The following PCDH15 variants were observed in gnomAD, a reference collection of about 807,000 sequenced individuals.
PCDH15 encodes the protein protocadherin related 15.
PCDH15 carries 129 observed loss-of-function variants against 178.5 expected under a neutral mutation model. The ratio of observed to expected loss-of-function variants is 0.72; its 90% CI spans 0.63 to 0.84. The LOEUF (loss-of-function observed/expected upper bound fraction) is 0.84. PCDH15 is among the 40% of genes least tolerant of loss of function. The pLI is 0.00. For missense variants in PCDH15, 2,230 were observed against 2,099.9 expected (o/e 1.06, Z -1.21); for synonymous variants, 800 against 732.0 (o/e 1.09, Z -1.50).
rs944958180 is a variant in PCDH15 at position 54,256,667 on chromosome 10, C to G, written c.877-19736G>C. Reference sequence around the variant, plus strand: ...CTGTCCTGGCTGATTGTACCTCCTACTATTGTGTTTCCCATTCCTTAGTAT... The same window carrying G: ...CTGTCCTGGCTGATTGTACCTCCTAGTATTGTGTTTCCCATTCCTTAGTAT... On this transcript the variant is annotated intron_variant, in intron 8 of 37. Coordinates refer to ENST00000644397, the MANE Select transcript of PCDH15 (RefSeq NM_001384140.1). 4.6e-5 allele frequency among the ~76,000 whole-genome samples: 7 copies of G among 152,010 alleles called. No homozygotes were observed. The Admixed American group carries it at 4.6e-4, about 10-fold the overall frequency.
At chr10:55,397,770 T>C (rs935173498) in intron 2 of PCDH15, among the ~76,000 whole-genome samples, 2 of 151,748 alleles carry the variant, frequency 1.3e-5, no homozygotes, top group Non-Finnish European at 2.9e-5. Context: ...ATTTCTAGTA[T>C]AGATGGGGGT....
At chr10:54,115,579 A>G (rs7901872) in intron 15 of PCDH15, among the ~76,000 whole-genome samples, 4,464 of 152,302 alleles carry the variant, frequency 0.029, 241 homozygotes, top group African/African-American at 0.1. Context: ...ACATATAAAC[A>G]GCCTATCTCC....
At chr10:54,782,253 C>G (rs1950435610) in intron 1 of PCDH15, among the ~76,000 whole-genome samples, 1 of 152,038 alleles carries the variant, frequency 6.6e-6, no homozygotes, top group South Asian at 2.1e-4. Context: ...CAAGCAGGGA[C>G]TTTGCAGCTA....
chr10:54,686,075 A>G (rs1379368428), intron 1 of PCDH15, among the ~76,000 whole-genome samples: 2 of 114,358 alleles, frequency 1.7e-5, no homozygotes, highest in African/African-American at 6.4e-5. Flanking sequence ...TTTAGTAGAG[A>G]CGGAGTTTCA....
At chr10:54,238,074 T>C (rs2054815837) in intron 8 of PCDH15, among the ~76,000 whole-genome samples, 1 of 152,128 alleles carries the variant, frequency 6.6e-6, no homozygotes, top group Non-Finnish European at 1.5e-5. Context: ...AATGAAATAC[T>C]TCTAAAGGGT....
intron 2 of PCDH15, among the ~76,000 whole-genome samples, chr10:55,034,248 A>C (rs908415203): frequency 6.6e-6 from 1 of 152,110 alleles, no homozygotes; most frequent in African/African-American, 2.4e-5. Context: ...CAACAAGTGA[A>C]GGGTTATAAT....
intron 15 of PCDH15, among the ~76,000 whole-genome samples, chr10:54,112,292 A>G (rs1463148691): frequency 6.6e-6 from 1 of 152,020 alleles, no homozygotes; most frequent in Non-Finnish European, 1.5e-5. Context: ...TTTCCTGTGC[A>G]TTTAGGGTGT....
chr10:55,109,433 G>C (rs1051457678), intron 2 of PCDH15, among the ~76,000 whole-genome samples: 1 of 152,096 alleles, frequency 6.6e-6, no homozygotes, highest in Admixed American at 6.5e-5. Context: ...AGTATGATTA[G>C]AAAGATTCCA....
intron 3 of PCDH15, among the ~76,000 whole-genome samples, chr10:54,517,321 A>C (rs2082335113): frequency 6.6e-6 from 1 of 151,156 alleles, no homozygotes; most frequent in Admixed American, 6.6e-5. Flanking sequence ...AACCCATCTC[A>C]TGTGCAGAGA....
chr10:55,292,268 A>G (rs923423707), intron 1 of PCDH15, among the ~76,000 whole-genome samples: 1 of 152,240 alleles, frequency 6.6e-6, no homozygotes, highest in Non-Finnish European at 1.5e-5. Context: ...GCATTTGGGT[A>G]AATACACCCA....
At chr10:55,512,457 A>T (rs1346135700) in intron 2 of PCDH15, among the ~76,000 whole-genome samples, 3 of 151,968 alleles carry the variant, frequency 2.0e-5, no homozygotes, top group Non-Finnish European at 4.4e-5. Context: ...CCGTGGGCAA[A>T]TAATGCATGG....
At chr10:54,209,546 T>G (rs2051185335) in intron 10 of PCDH15, among the ~76,000 whole-genome samples, 1 of 151,950 alleles carries the variant, frequency 6.6e-6, no homozygotes, top group South Asian at 2.1e-4. Context: ...AAAATATGAT[T>G]AACTGAAAAA....
At chr10:54,991,634 C>A (rs1454478867) in intron 2 of PCDH15, among the ~76,000 whole-genome samples, 1 of 152,080 alleles carries the variant, frequency 6.6e-6, no homozygotes, top group Non-Finnish European at 1.5e-5. Context: ...ATACCTCAGG[C>A]ACTTTTCATT....
chr10:55,086,076 T>G (rs948151903), intron 2 of PCDH15, among the ~76,000 whole-genome samples: 2 of 151,708 alleles, frequency 1.3e-5, no homozygotes, highest in Non-Finnish European at 2.9e-5. Context: ...ATGTATTATT[T>G]TTATATTTTC....
intron 25 of PCDH15, among the ~76,000 whole-genome samples, chr10:53,917,707 A>G (rs1224231274): frequency 6.6e-6 from 1 of 152,186 alleles, no homozygotes; most frequent in African/African-American, 2.4e-5. Flanking sequence ...AGAAATGAAC[A>G]CACTGATACG....
intron 1 of PCDH15, among the ~76,000 whole-genome samples, chr10:54,704,623 T>G (rs1416926142): frequency 6.6e-6 from 1 of 152,096 alleles, no homozygotes; most frequent in Non-Finnish European, 1.5e-5. Flanking sequence ...AAAATCACAA[T>G]GAGATACCAT....
chr10:54,250,305 C>T (rs779253346), intron 8 of PCDH15, among the ~76,000 whole-genome samples: 9 of 125,548 alleles, frequency 7.2e-5, no homozygotes, highest in Non-Finnish European at 9.5e-5. Context: ...GACAGAGTCT[C>T]GCTCTGTCAA....
intron 2 of PCDH15, among the ~76,000 whole-genome samples, chr10:55,090,432 A>G (rs1165191408): frequency 6.6e-6 from 1 of 152,050 alleles, no homozygotes; most frequent in Non-Finnish European, 1.5e-5. Context: ...GAGGGCTAGG[A>G]TCACACTCTT....
intron 15 of PCDH15, among the ~76,000 whole-genome samples, chr10:54,118,435 C>T (rs545589277): frequency 4.0e-4 from 61 of 152,110 alleles, no homozygotes; most frequent in East Asian, 9.7e-4. Context: ...CCAAGGAGGG[C>T]GGATCACGAG....
Sources: gnomAD v4.1 joint callset for allele counts (sites outside exome capture counted in the v4.1 genomes callset) on GRCh38, gnomAD v4.1.1 for gene constraint, MANE v1.5 for transcripts, NCBI Gene and HGNC (gene_info 2026-07-23, HGNC 2026-07-21) for gene names.